ASCC3: variants seen among roughly 807,000 people sequenced by gnomAD.
ASCC3 encodes ASC-1 complex subunit P200.
ASCC3 carries 158 observed loss-of-function variants against 256.3 expected under a neutral mutation model. That is an observed-to-expected ratio of 0.62 (90% confidence interval 0.54 to 0.70). The LOEUF is 0.70. Among genes scored for constraint, ASCC3 ranks in the 30% least tolerant of loss-of-function variants. The pLI, the probability that ASCC3 is intolerant of heterozygous loss-of-function variation, is 0.00. For synonymous variants in ASCC3, 948 were observed against 883.4 expected (o/e 1.07, Z -1.30); for missense variants, 2,259 against 2,626.0 (o/e 0.86, Z 3.05).
intron 1 of ASCC3, among the ~76,000 whole-genome samples, chr6:100,877,135 G>A (rs534005683): frequency 1.6e-4 from 24 of 151,994 alleles, no homozygotes; most frequent in East Asian, 1.5e-3. Flanking sequence ...GTATTTTTTC[G>A]TTATAAAAAT....
At position 100,676,550 on chromosome 6, in the gene ASCC3, T is replaced by C. The variant is rs528212999; in HGVS notation, c.2286+3068A>G. 3.3e-5 allele frequency among the ~76,000 whole-genome samples: 5 copies of C among 152,336 alleles called. No individual in the cohort carries two copies. In the East Asian group the frequency reaches 5.8e-4, roughly 18 times the overall value. On this transcript the variant is annotated intron_variant, in intron 14 of 41. Coordinates refer to ENST00000369162, the MANE Select transcript of ASCC3 (RefSeq NM_006828.4). Reference sequence around the variant, plus strand: ...CTGGGAGACTTTCCTTTCCTTTCCCTACATTCTTGTTTCAGTGGACAAATC... The same window carrying C: ...CTGGGAGACTTTCCTTTCCTTTCCCCACATTCTTGTTTCAGTGGACAAATC...
chr6:100,839,680 A>T (rs1772045090), intron 4 of ASCC3, among the ~76,000 whole-genome samples: 1 of 152,158 alleles, frequency 6.6e-6, no homozygotes, highest in Admixed American at 6.5e-5. Context: ...GGTATATTTA[A>T]AGGACTTTGA....
Position 100,647,425 on chromosome 6 carries a change from A to G in ASCC3, c.3279T>C (p.Leu1093=). The G allele has an allele frequency of 6.2e-7, 1 of 1,614,026 alleles. No individual in the cohort carries two copies. ...AACGTTTCCTCAGAGCAATTTCAAA[A>G]AGAGCACGGACAATTCTAGCTGCAT... ...AQNAARIVRA[L]FEIALRKRWP... Residue 1093 remains leucine, a synonymous_variant, in exon 21 of 42, where the codon CTT becomes CTC. Transcript: ENST00000369162.
At chr6:100,613,291 C>G (rs1351266361) in intron 30 of ASCC3, among the ~76,000 whole-genome samples, 2 of 151,788 alleles carry the variant, frequency 1.3e-5, no homozygotes, top group Non-Finnish European at 2.9e-5. Context: ...TATATTATTC[C>G]TCTCCATCCA....
At chr6:100,764,148 T>C (rs1313049704) in intron 10 of ASCC3, among the ~76,000 whole-genome samples, 1 of 152,188 alleles carries the variant, frequency 6.6e-6, no homozygotes, top group Non-Finnish European at 1.5e-5. Flanking sequence ...TAGTTGGATA[T>C]AGGACAAGAG....
chr6:100,586,244 A>C (rs1771669787), intron 36 of ASCC3, among the ~76,000 whole-genome samples: 1 of 152,166 alleles, frequency 6.6e-6, no homozygotes, highest in African/African-American at 2.4e-5. Flanking sequence ...ACCCAGTTCG[A>C]GCTTCCCAGC....
At chr6:100,805,223 A>G (rs1286213067) in intron 5 of ASCC3, among the ~76,000 whole-genome samples, 2 of 152,152 alleles carry the variant, frequency 1.3e-5, no homozygotes, top group Admixed American at 1.3e-4. Context: ...AACAATATGA[A>G]TGCAGCTGGA....
Position 100,829,222 on chromosome 6 carries a change from G to A in ASCC3, c.801+18926C>T, listed in dbSNP as rs192215523. ...TGGAGCTGCCTGCCAGACCCGCACC[G>A]TGCACCTGCACTCCTCAGCCCTTGG... On this transcript the variant is annotated intron_variant, in intron 4 of 41. Transcript: ENST00000369162. Among the ~76,000 whole-genome samples the A allele has an allele frequency of 1.5e-4, 23 of 152,228 alleles. No individual in the cohort carries two copies. In the East Asian group the frequency reaches 3.3e-3, roughly 22 times the overall value.
At chr6:100,703,175 T>C (rs1778424336) in intron 13 of ASCC3, among the ~76,000 whole-genome samples, 1 of 152,040 alleles carries the variant, frequency 6.6e-6, no homozygotes, top group Admixed American at 6.6e-5. Flanking sequence ...TTTCAAATAA[T>C]TGTGTAGAAT....
chr6:100,564,189 C>G (rs1446927895), intron 36 of ASCC3, among the ~76,000 whole-genome samples: 1 of 151,192 alleles, frequency 6.6e-6, no homozygotes, highest in Non-Finnish European at 1.5e-5. Context: ...GTAGAATGAT[C>G]AAGTCAGGGT....
chr6:100,684,597 A>G (rs1030699343), intron 13 of ASCC3, among the ~76,000 whole-genome samples: 8 of 151,654 alleles, frequency 5.3e-5, no homozygotes, highest in South Asian at 2.1e-4. Context: ...TAAACAGACC[A>G]GTATACCACT....
chr6:100,602,610 A>C (rs1442181473), intron 33 of ASCC3, among the ~76,000 whole-genome samples: 5 of 152,052 alleles, frequency 3.3e-5, no homozygotes, highest in Admixed American at 3.3e-4. Context: ...GGCAGATTAA[A>C]GGAGAGTTGA....
intron 8 of ASCC3, among the ~76,000 whole-genome samples, chr6:100,792,715 A>C (rs1478890498): frequency 6.6e-6 from 1 of 151,916 alleles, no homozygotes; most frequent in Non-Finnish European, 1.5e-5. Context: ...GTTTCCTCCA[A>C]TGTTGTTTTA....
At position 100,636,835 on chromosome 6, in the gene ASCC3, C is replaced by G. The variant is rs148912777; in HGVS notation, c.4122+1766G>C. On this transcript the variant is annotated intron_variant, in intron 25 of 41. Coordinates refer to ENST00000369162, the MANE Select transcript of ASCC3 (RefSeq NM_006828.4). ...CCTAAAGCCTACTCTAGAGCAAGCC[C>G]CAAATTCTCTTCAATTCTGTGAAGG... is the stretch of plus-strand genomic sequence containing the variant. Among the ~76,000 whole-genome samples, 11 of 152,228 alleles carry G rather than the reference C, an allele frequency of 7.2e-5. No homozygotes were observed. The East Asian group carries it at 2.1e-3, about 29-fold the overall frequency.
intron 8 of ASCC3, among the ~76,000 whole-genome samples, chr6:100,776,088 T>C (rs895727033): frequency 2.0e-5 from 3 of 152,094 alleles, no homozygotes; most frequent in African/African-American, 7.2e-5. Context: ...ATAATATTTA[T>C]TGTTTTATTT....
intron 30 of ASCC3, among the ~76,000 whole-genome samples, chr6:100,608,505 C>T (rs1359633731): frequency 3.3e-4 from 1 of 3,028 alleles, no homozygotes; most frequent in South Asian, 0.012. Flanking sequence ...TATATATATA[C>T]TTTATATATA....
chr6:100,621,587 A>T (rs1227147637), intron 30 of ASCC3, among the ~76,000 whole-genome samples: 1 of 152,204 alleles, frequency 6.6e-6, no homozygotes, highest in Admixed American at 6.5e-5. Flanking sequence ...GTCCAGAAAC[A>T]ATAGATGCAG....
chr6:100,779,883 A>T (rs893224373), intron 8 of ASCC3, among the ~76,000 whole-genome samples: 8 of 152,186 alleles, frequency 5.3e-5, no homozygotes, highest in African/African-American at 1.7e-4. Flanking sequence ...ACAATAGAAG[A>T]CAAAATATCA....
chr6:100,800,013 T>C (rs555264477), intron 6 of ASCC3, among the ~76,000 whole-genome samples: 1 of 152,138 alleles, frequency 6.6e-6, no homozygotes, highest in South Asian at 2.1e-4. Flanking sequence ...TTATGTAAGC[T>C]ATATAAATCT....
Sources: allele counts gnomAD v4.1 joint callset (sites outside exome capture counted in the v4.1 genomes callset), GRCh38; gene constraint gnomAD v4.1.1; transcripts MANE v1.5; gene names NCBI Gene and HGNC (gene_info 2026-07-23, HGNC 2026-07-21).